Variants in GRID1 observed in about 807,000 individuals in gnomAD.
GRID1 encodes the protein glutamate receptor ionotropic, delta-1.
Under a neutral mutation model 98.0 loss-of-function variants are expected in GRID1, and 28 were observed. The ratio of observed to expected loss-of-function variants is 0.29; its 90% CI spans 0.21 to 0.39. The LOEUF is 0.39. Ranked by LOEUF, GRID1 falls within the 10% of genes least tolerant of loss-of-function variation. The pLI is 1.00. For missense variants in GRID1, 1,111 were observed against 1,340.5 expected (o/e 0.83, Z 2.67); for synonymous variants, 553 against 538.5 (o/e 1.03, Z -0.37).
intron 5 of GRID1, among the ~76,000 whole-genome samples, chr10:85,887,991 A>T (rs1286574492): frequency 6.6e-6 from 1 of 152,038 alleles, no homozygotes; most frequent in Non-Finnish European, 1.5e-5. Flanking sequence ...TACACCCTTA[A>T]GGAAGCCCAT....
intron 6 of GRID1, among the ~76,000 whole-genome samples, chr10:85,858,598 T>G (rs1162952362): frequency 6.6e-6 from 1 of 152,242 alleles, no homozygotes; most frequent in Non-Finnish European, 1.5e-5. Flanking sequence ...GATGTTGTTA[T>G]AAGGAATACA....
At position 85,713,686 on chromosome 10, in the gene GRID1, G is replaced by T. The variant is rs577853621; in HGVS notation, c.1997+9317C>A. Among the ~76,000 whole-genome samples the T allele has an allele frequency of 3.4e-3, 476 of 142,070 alleles. 2 individuals are homozygous for T. The Middle Eastern group carries it at 0.036, about 11-fold the overall frequency. 93.2% of individuals were successfully genotyped at this position (142,070 alleles called of 152,430 possible). A position where few individuals can be genotyped will look rare whatever the true frequency, so the allele number is the denominator to read the frequency against. ...AGTGGAACTTACCCCCAGGATGCAA[G>T]AATGGCTTAACATACAAAAATCAAG... On this transcript the variant is annotated intron_variant, in intron 12 of 15. Coordinates refer to ENST00000327946, the MANE Select transcript of GRID1 (RefSeq NM_017551.3).
At chr10:86,035,300 T>C (rs17106185) in intron 4 of GRID1, among the ~76,000 whole-genome samples, 14,997 of 152,278 alleles carry the variant, frequency 0.098, 909 homozygotes, top group African/African-American at 0.17. Context: ...CTTTCTAATC[T>C]CTTCCTTAGT....
Position 86,209,616 on chromosome 10 carries a change from T to C in GRID1, c.236-2968A>G, listed in dbSNP as rs566498169. Among the ~76,000 whole-genome samples the C allele has an allele frequency of 2.0e-5, 3 of 152,366 alleles. No individual in the cohort carries two copies. The South Asian group carries it at 6.2e-4, about 32-fold the overall frequency. On this transcript the variant is annotated intron_variant, in intron 2 of 15. Transcript: ENST00000327946. ...AAGGCACTATGACAATACGTGGATA[T>C]TTTTTCTTATGCATGCTCTCTTTAA...
At chr10:86,144,909 A>C (rs1017281302) in intron 3 of GRID1, among the ~76,000 whole-genome samples, 6 of 151,118 alleles carry the variant, frequency 4.0e-5, no homozygotes, top group Non-Finnish European at 5.9e-5. Flanking sequence ...CCCGAGTTCC[A>C]CTCTCCCTTC....
chr10:85,927,539 T>C (rs1841791907), intron 4 of GRID1, among the ~76,000 whole-genome samples: 2 of 150,704 alleles, frequency 1.3e-5, no homozygotes, highest in South Asian at 4.2e-4. Flanking sequence ...GTGGGAAAGT[T>C]GGAGATATAC....
At chr10:85,850,721 C>T (rs1843050378) in intron 8 of GRID1, among the ~76,000 whole-genome samples, 1 of 152,204 alleles carries the variant, frequency 6.6e-6, no homozygotes, top group Non-Finnish European at 1.5e-5. Context: ...TGCCCTGTGC[C>T]ATATGAGCAT....
Position 86,366,334 on chromosome 10 carries a change from G to C in GRID1, c.59C>G (p.Ala20Gly). 5 of 1,514,024 alleles carry C rather than the reference G, an allele frequency of 3.3e-6. No individual in the cohort carries two copies. Among genetic ancestry groups the C allele is most frequent in the Non-Finnish European group, 4.4e-6 (5 of 1,129,124 alleles). The allele number at this position is 1,514,024 out of a possible 1,614,324, so 93.8% of individuals were successfully genotyped here. Residue 20 changes from alanine to glycine, a missense_variant, in exon 1 of 16, where the codon GCC becomes GGC. By Grantham distance (60) the Ala-to-Gly change is moderately conservative. Coordinates refer to ENST00000327946, the MANE Select transcript of GRID1 (RefSeq NM_017551.3). This position sits in a 1 kb window ranked among gnomAD's most constrained non-coding sequence, Gnocchi z 4.1. Reference sequence around the variant, plus strand: ...CTTACCGATGTGGATGATGGAGTCGGCCCGCACCGACACGCACTGGCATAT... The same window carrying C: ...CTTACCGATGTGGATGATGGAGTCGCCCCGCACCGACACGCACTGGCATAT... ...PWICQCVSVR[A>G]DSIIHIGAIF...
chr10:85,861,735 G>A (rs1843165609), intron 6 of GRID1, among the ~76,000 whole-genome samples: 2 of 152,194 alleles, frequency 1.3e-5, no homozygotes, highest in Admixed American at 6.5e-5. Context: ...GGGTATGGCT[G>A]GAACAAAGGC....
chr10:85,755,027 T>C (rs775204079), intron 8 of GRID1, among the ~76,000 whole-genome samples: 1 of 152,192 alleles, frequency 6.6e-6, no homozygotes, highest in Non-Finnish European at 1.5e-5. Flanking sequence ...CCTCTTGGAA[T>C]ATGAAGCAGC....
At chr10:85,989,388 C>A (rs1842650903) in intron 4 of GRID1, among the ~76,000 whole-genome samples, 1 of 152,018 alleles carries the variant, frequency 6.6e-6, no homozygotes, top group East Asian at 1.9e-4. Context: ...GGGGTCCACC[C>A]ACTGGCCACG....
intron 2 of GRID1, among the ~76,000 whole-genome samples, chr10:86,296,633 G>A (rs1847594645): frequency 6.6e-6 from 1 of 152,118 alleles, no homozygotes; most frequent in Non-Finnish European, 1.5e-5. Context: ...CAGCTGCTTG[G>A]GAGGCTGAGG....
chr10:85,608,384 C>T (rs1486760573), intron 15 of GRID1, among the ~76,000 whole-genome samples: 4 of 152,170 alleles, frequency 2.6e-5, no homozygotes, highest in East Asian at 1.9e-4. Context: ...AATTAATCAC[C>T]TCTGACATGC....
chr10:86,115,682 G>A (rs915748306), intron 4 of GRID1, among the ~76,000 whole-genome samples: 11 of 152,206 alleles, frequency 7.2e-5, no homozygotes, highest in Admixed American at 1.3e-4. Context: ...CTGCTAACCC[G>A]TGAGGTGATC....
At chr10:86,167,608 G>C (rs897615797) in intron 3 of GRID1, among the ~76,000 whole-genome samples, 1 of 152,162 alleles carries the variant, frequency 6.6e-6, no homozygotes. Flanking sequence ...CACCATCTTA[G>C]CTGGTCCTCC....
At chr10:85,950,063 G>A (rs952069845) in intron 4 of GRID1, among the ~76,000 whole-genome samples, 17 of 152,140 alleles carry the variant, frequency 1.1e-4, no homozygotes. Flanking sequence ...TACCTGGTAG[G>A]TAACAAAGCC....
Position 85,640,575 on chromosome 10 carries a change from A to T in GRID1, c.2193+6627T>A, listed in dbSNP as rs369463175. ...ATGGAACCAGGAGCTGCCACATATG[A>T]GGCCAACTTCCTCACCTTGCCCTTT... On this transcript the variant is annotated intron_variant, in intron 13 of 15. Coordinates refer to ENST00000327946, the MANE Select transcript of GRID1 (RefSeq NM_017551.3). Among the ~76,000 whole-genome samples the T allele has an allele frequency of 4.9e-4, 74 of 152,302 alleles. No homozygotes were observed. The South Asian group carries it at 5.6e-3, about 12-fold the overall frequency.
At chr10:85,973,103 C>T (rs1035626410) in intron 4 of GRID1, among the ~76,000 whole-genome samples, 1 of 152,118 alleles carries the variant, frequency 6.6e-6, no homozygotes, top group African/African-American at 2.4e-5. Context: ...TTATTCATTC[C>T]GATGTCACTT....
At chr10:85,981,664 C>T (rs7085424) in intron 4 of GRID1, among the ~76,000 whole-genome samples, 27,570 of 152,096 alleles carry the variant, frequency 0.18, 2,907 homozygotes, top group East Asian at 0.29. Flanking sequence ...CCGTCTTTCC[C>T]CACTCCCACT....
Sources: gnomAD v4.1 joint callset for allele counts (sites outside exome capture counted in the v4.1 genomes callset) on GRCh38, gnomAD v4.1.1 for gene constraint, Gnocchi (gnomAD v3.1) non-coding constraint, MANE v1.5 for transcripts, NCBI Gene and HGNC (gene_info 2026-07-23, HGNC 2026-07-21) for gene names.